The following FCGRT variants were observed in gnomAD, a reference collection of about 807,000 sequenced individuals.
FCGRT encodes IgG receptor FcRn large subunit p51.
Under a neutral mutation model 35.7 loss-of-function variants are expected in FCGRT, and 13 were observed. That is an observed-to-expected ratio of 0.36 (90% CI 0.24 to 0.58). FCGRT has a LOEUF of 0.58. FCGRT is among the 20% of genes least tolerant of loss of function. The pLI is 0.77. For missense variants in FCGRT, 455 were observed against 474.9 expected, an observed-to-expected ratio of 0.96 and a Z score of 0.39; for synonymous variants, 233 against 216.5, an observed-to-expected ratio of 1.08 and a Z score of -0.67.
chr19:49,523,190 T>A (rs2080052655), intron 4 of FCGRT, among the ~76,000 whole-genome samples: 1 of 152,120 alleles, frequency 6.6e-6, no homozygotes, highest in Admixed American at 6.6e-5. Context: ...AGGAATAGAA[T>A]CATTTCTACA....
Position 49,524,569 on chromosome 19 carries a change from A to G in FCGRT, c.664A>G (p.Ser222Gly). 6.2e-7 allele frequency: 1 copy of G among 1,613,158 alleles called. No homozygotes were observed. The highest frequency in any genetic ancestry group is 8.5e-7 in the Non-Finnish European group (1 of 1,179,964). The stretch of plus-strand genomic sequence containing the variant: ...CCCTGGCTTTTCCGTGCTTACCTGC[A>G]GCGCCTTCTCCTTCTACCCTCCGGA... ...SSPGFSVLTC[S>G]AFSFYPPELQ... Residue 222 changes from serine to glycine, a missense_variant, in exon 5 of 7, where the codon AGC (serine) becomes GGC (glycine). By Grantham distance (56) the Ser-to-Gly change is moderately conservative. Coordinates refer to ENST00000221466, the MANE Select transcript of FCGRT (RefSeq NM_001136019.3).
intron 4 of FCGRT, among the ~76,000 whole-genome samples, chr19:49,517,887 T>G (rs1390733336): frequency 1.3e-5 from 2 of 152,148 alleles, no homozygotes. Flanking sequence ...GAGATGAGGT[T>G]TCACCATATT....
chr19:49,513,361 G>C, intron 1 of FCGRT, 26 bp from the exon 2 acceptor site: 1 of 1,036,400 alleles, frequency 9.6e-7, no homozygotes, highest in Non-Finnish European at 1.2e-6. Context: ...GGGTCGGGAG[G>C]AGTCACGTGC....
intron 2 of FCGRT, 169 bp downstream of exon 2, chr19:49,513,642 C>A: frequency 2.2e-6 from 1 of 451,664 alleles, no homozygotes; most frequent in South Asian, 7.9e-5. Context: ...GGCTGGGAAC[C>A]ACCTGTCGCC....
In FCGRT at chr19:49,524,617, A is replaced by C; in HGVS notation, c.712A>C (p.Asn238His). Residue 238 changes from asparagine (N) to histidine (H), a missense_variant, in exon 5 of 7, where the codon AAT becomes CAT. Transcript: ENST00000221466. ...GGAGCTGCAACTTCGGTTCCTGCGG[A>C]ATGGGCTGGCCGCTGGCACCGGCCA... ...PPELQLRFLRNGLAAGTGQGD... is the reference protein window; with the variant it reads ...PPELQLRFLRHGLAAGTGQGD... The C allele has an allele frequency of 5.0e-6, 8 of 1,610,880 alleles. No individual in the cohort carries two copies. Among genetic ancestry groups the C allele is most frequent in the Non-Finnish European group, 6.8e-6 (8 of 1,179,992 alleles).
chr19:49,523,859 C>CA (rs575904413), intron 4 of FCGRT, among the ~76,000 whole-genome samples: 25,393 of 108,366 alleles, frequency 0.23, 2,435 homozygotes, highest in African/African-American at 0.3. Flanking sequence ...GATTCCATCT[C>CA]AAAAAAAAAA....
At chr19:49,522,325 C>G (rs956361115) in intron 4 of FCGRT, among the ~76,000 whole-genome samples, 1 of 152,088 alleles carries the variant, frequency 6.6e-6, no homozygotes, top group East Asian at 1.9e-4. Context: ...AGTGATCCAC[C>G]TCATTCTCCC....
intron 4 of FCGRT, among the ~76,000 whole-genome samples, chr19:49,516,643 G>A (rs541058719): frequency 3.3e-5 from 5 of 150,820 alleles, no homozygotes; most frequent in East Asian, 2.0e-4. Flanking sequence ...TGCAACCTCC[G>A]CCTCCCAGGT....
rs1193200841 is a variant in FCGRT, at chr19:49,516,176, A to G, written c.601+1690A>G. On this transcript the variant is annotated intron_variant, in intron 4 of 6. Coordinates refer to ENST00000221466, the MANE Select transcript of FCGRT (RefSeq NM_001136019.3). The stretch of plus-strand genomic sequence containing the variant: ...ACAGATATTCATTCCAAGTGCCACA[A>G]AGGAGAAGTTGAGACTCAACCAGGT... The G allele has an allele frequency of 8.8e-6, 4 of 454,252 alleles. No individual in the cohort carries two copies. In the Admixed American group the frequency reaches 9.5e-5, roughly 11 times the overall value. 28.1% of individuals were successfully genotyped at this position (454,252 alleles called of 1,614,324 possible).
intron 2 of FCGRT, 33 bp downstream of exon 2, chr19:49,513,506 A>C (rs1274031920): frequency 1.6e-6 from 2 of 1,218,074 alleles, no homozygotes; most frequent in Admixed American, 4.1e-5. Flanking sequence ...GCCCTGCTGC[A>C]GGCGGGCGGC....
chr19:49,525,658 C>T lies in FCGRT; in HGVS notation c.988+85C>T, dbSNP rs1470282159. On this transcript the variant is annotated intron_variant, in intron 6 of 6. Coordinates refer to ENST00000221466, the MANE Select transcript of FCGRT (RefSeq NM_001136019.3). Reference sequence around the variant, plus strand: ...ACACAGACCTGGGAGGACAGAGACCCAGAGAGGGGGGACAGAGATCAGAGA... The same window carrying T: ...ACACAGACCTGGGAGGACAGAGACCTAGAGAGGGGGGACAGAGATCAGAGA... The T allele has an allele frequency of 7.7e-6, 7 of 914,662 alleles. No individual in the cohort carries two copies. In the Admixed American group the frequency reaches 1.2e-4, roughly 15 times the overall value. The allele number at this position is 914,662 out of a possible 1,614,324, so 56.7% of individuals were successfully genotyped here. A position where few individuals can be genotyped will look rare whatever the true frequency, so the allele number is the denominator to read the frequency against.
intron 4 of FCGRT, 82 bp from the exon 5 acceptor site, chr19:49,524,425 A>G: frequency 2.1e-6 from 3 of 1,435,904 alleles, no homozygotes; most frequent in Non-Finnish European, 2.9e-6. Flanking sequence ...GCAAACATGG[A>G]GGCCTCTTTC....
intron 4 of FCGRT, among the ~76,000 whole-genome samples, chr19:49,523,728 T>C (rs1312550724): frequency 1.3e-5 from 2 of 149,982 alleles, no homozygotes; most frequent in African/African-American, 2.5e-5. Context: ...AGTGTGGTGG[T>C]GGGCACCTAT....
rs34072018 is a variant in FCGRT at position 49,526,041 on chromosome 19, C to T, written c.1020C>T (p.Thr340=). The change falls in exon 7 of 7, where the codon ACC becomes ACT. Residue 340 remains threonine (T), a synonymous_variant. Coordinates refer to ENST00000221466, the MANE Select transcript of FCGRT (RefSeq NM_001136019.3). ...APWISLRGDD[T]GVLLPTPGEA... is the part of the protein sequence containing the mutation. ...GGATCTCCCTTCGTGGAGACGACACCGGGGTCCTCCTGCCCACCCCAGGGG... is the reference window on the plus strand; with the variant it reads ...GGATCTCCCTTCGTGGAGACGACACTGGGGTCCTCCTGCCCACCCCAGGGG... 1,656 of 1,613,070 alleles carry T rather than the reference C, an allele frequency of 1.0e-3. 21 individuals are homozygous for T. In the African/African-American group the frequency reaches 0.019, roughly 18 times the overall value.
chr19:49,524,403 G>T, intron 4 of FCGRT, 104 bp from the exon 5 acceptor site: 1 of 1,245,518 alleles, frequency 8.0e-7, no homozygotes, highest in Non-Finnish European at 1.1e-6. Flanking sequence ...TATTATCTGC[G>T]GTTAGCACAG....
At chr19:49,516,669 A>G (rs1250897832) in intron 4 of FCGRT, among the ~76,000 whole-genome samples, 64 of 137,414 alleles carry the variant, frequency 4.7e-4, no homozygotes, top group Middle Eastern at 5.0e-3. Flanking sequence ...CAATTCTCCT[A>G]CCTCAGCCTC....
chr19:49,520,148 T>TTTTTG (rs2080032565), intron 4 of FCGRT, among the ~76,000 whole-genome samples: 1 of 138,716 alleles, frequency 7.2e-6, no homozygotes, highest in Admixed American at 7.2e-5. Flanking sequence ...TTTTTTTTTT[T>TTTTTG]GAGAGGGCGT....
chr19:49,514,598 G>T, intron 4 of FCGRT, 112 bp downstream of exon 4: 2 of 1,055,288 alleles, frequency 1.9e-6, no homozygotes, highest in Non-Finnish European at 2.6e-6. Flanking sequence ...CCCACGCTCT[G>T]CCCCCCCATT....
intron 4 of FCGRT, 76 bp from the exon 5 acceptor site, chr19:49,524,431 C>T (rs1234363959): frequency 6.7e-7 from 1 of 1,503,730 alleles, no homozygotes; most frequent in Non-Finnish European, 9.0e-7. Flanking sequence ...ATGGAGGCCT[C>T]TTTCTGTCCC....
Sources: gnomAD v4.1 joint callset for allele counts (sites outside exome capture counted in the v4.1 genomes callset) on GRCh38, gnomAD v4.1.1 for gene constraint, MANE v1.5 for transcripts, NCBI Gene and HGNC (gene_info 2026-07-23, HGNC 2026-07-21) for gene names.